Variants in PSMD12 observed in about 807,000 individuals in gnomAD.
PSMD12 encodes proteasome 26S subunit, non-ATPase 12.
PSMD12 carries 8 observed loss-of-function variants against 62.9 expected under a neutral mutation model. The observed-to-expected ratio is 0.13, with a 90% CI of 0.07 to 0.23. The LOEUF (loss-of-function observed/expected upper bound fraction) is 0.23, where lower values mean the gene tolerates loss of function less well. Among genes scored for constraint, PSMD12 ranks in the 10% least tolerant of loss-of-function variants. The pLI, the probability that PSMD12 is intolerant of heterozygous loss-of-function variation, is 1.00. For synonymous variants in PSMD12, 173 were observed against 187.4 expected (o/e 0.92, Z 0.63); for missense variants, 424 against 550.2 (o/e 0.77, Z 2.29).
At chr17:67,366,385 G>A in intron 1 of PSMD12, 27 bp downstream of exon 1, 1 of 1,593,998 alleles carries the variant, frequency 6.3e-7, no homozygotes, top group Non-Finnish European at 8.6e-7. Context: ...CCTGGCGCCC[G>A]CCAACAGCCA....
At chr17:67,363,593 A>C (rs1370841319) in intron 1 of PSMD12, among the ~76,000 whole-genome samples, 1 of 152,202 alleles carries the variant, frequency 6.6e-6, no homozygotes, top group African/African-American at 2.4e-5. Flanking sequence ...CTGAAGCTTA[A>C]ATTTTCTCAC....
chr17:67,341,243 T>G (rs181802611), intron 10 of PSMD12, among the ~76,000 whole-genome samples, 191 bp from the exon 11 acceptor site: 1 of 151,626 alleles, frequency 6.6e-6, no homozygotes, highest in Admixed American at 6.6e-5. Context: ...CTGAATTGGG[T>G]GAATCACTTG....
At chr17:67,352,574 A>G (rs919759999) in intron 3 of PSMD12, among the ~76,000 whole-genome samples, 3 of 152,228 alleles carry the variant, frequency 2.0e-5, no homozygotes, top group Non-Finnish European at 2.9e-5. Context: ...AAAATACATT[A>G]ACAGAAATCA....
In PSMD12 at chr17:67,366,478, G is replaced by A; in HGVS notation, c.42C>T (p.Val14=). Residue 14 remains valine (V), a synonymous_variant, in exon 1 of 11, where the codon GTC becomes GTT. Coordinates refer to ENST00000356126, the MANE Select transcript of PSMD12 (RefSeq NM_002816.5). ...GGSERADGRI[V]KMEVDYSATV... ...TGGCGCTGTAGTCCACCTCCATCTTGACGATGCGCCCGTCAGCCCGCTCCG... is the reference window on the plus strand; with the variant it reads ...TGGCGCTGTAGTCCACCTCCATCTTAACGATGCGCCCGTCAGCCCGCTCCG... The A allele has an allele frequency of 1.1e-5, 18 of 1,611,244 alleles. No individual in the cohort carries two copies. Among genetic ancestry groups the A allele is most frequent in the Non-Finnish European group, 1.5e-5 (18 of 1,179,182 alleles).
rs371725794 is a variant in PSMD12, at chr17:67,344,700, T to C, written c.989A>G (p.Lys330Arg). 6.2e-7 allele frequency: 1 copy of C among 1,613,768 alleles called. No homozygotes were observed. The highest frequency in any genetic ancestry group is 8.5e-7 in the Non-Finnish European group (1 of 1,179,868). Residue 330 changes from lysine (K) to arginine (R), a missense_variant, in exon 9 of 11, where the codon AAA becomes AGA. Coordinates refer to ENST00000356126, the MANE Select transcript of PSMD12 (RefSeq NM_002816.5). The part of the protein sequence containing the change: ...LVEDYGMELR[K>R]GSLESPATDV... Reference sequence around the variant, plus strand: ...CGTTGCAGGACTCTCAAGGGAACCTTTTCTTAATTCCATTCCATAGTCCTC... The same window carrying C: ...CGTTGCAGGACTCTCAAGGGAACCTCTTCTTAATTCCATTCCATAGTCCTC...
At chr17:67,348,144 AG>A (rs1178893898) in intron 5 of PSMD12, among the ~76,000 whole-genome samples, 1 of 152,164 alleles carries the variant, frequency 6.6e-6, no homozygotes, top group Non-Finnish European at 1.5e-5. Flanking sequence ...AATACTCAAG[AG>A]TGGGATTGCT....
rs1167655683 is a variant in PSMD12 at position 67,343,727 on chromosome 17, G to A, written c.1083+879C>T. 5.3e-5 allele frequency among the ~76,000 whole-genome samples: 8 copies of A among 151,602 alleles called. 1 individual carries two copies. In the South Asian group the frequency reaches 8.3e-4, roughly 16 times the overall value. On this transcript the variant is annotated intron_variant, in intron 9 of 10. Coordinates refer to ENST00000356126, the MANE Select transcript of PSMD12 (RefSeq NM_002816.5). ...GGGTAATGTCTGTTTTTTTTGAGAC[G>A]GCGTCTTGCTCTGTCACCCAGGCTG...
intron 1 of PSMD12, among the ~76,000 whole-genome samples, chr17:67,360,542 G>C (rs1425371124): frequency 6.6e-6 from 1 of 152,162 alleles, no homozygotes; most frequent in African/African-American, 2.4e-5. Context: ...TGCGAACTCT[G>C]TAAGAGCAGG....
chr17:67,341,403 G>C (rs935827627), intron 10 of PSMD12, among the ~76,000 whole-genome samples: 1 of 140,448 alleles, frequency 7.1e-6, no homozygotes, highest in Non-Finnish European at 1.5e-5. Context: ...CTGGGAGGTA[G>C]AGGTTGAAGT....
chr17:67,361,346 C>A (rs926767628), intron 1 of PSMD12: 1 of 152,200 alleles, frequency 6.6e-6, no homozygotes, highest in African/African-American at 2.4e-5. Context: ...CTTTGGGAGG[C>A]CAAGACGGGC....
At chr17:67,355,943 T>C (rs2042064807) in intron 3 of PSMD12, among the ~76,000 whole-genome samples, 2 of 150,534 alleles carry the variant, frequency 1.3e-5, no homozygotes, top group African/African-American at 2.4e-5. Flanking sequence ...GCCTGGGTAA[T>C]GTAGTGAGAC....
At chr17:67,359,721 ATTC>A (rs1029542537) in intron 1 of PSMD12, among the ~76,000 whole-genome samples, 7 of 152,176 alleles carry the variant, frequency 4.6e-5, no homozygotes, top group Admixed American at 6.5e-5. Context: ...GAAATATGTG[ATTC>A]TTAACATATT....
At chr17:67,342,292 C>G (rs1202099051) in intron 9 of PSMD12, 29 bp from the exon 10 acceptor site, 1 of 1,407,070 alleles carries the variant, frequency 7.1e-7, no homozygotes, top group Non-Finnish European at 1.0e-6. Flanking sequence ...GCAGGGAGAA[C>G]ACGTAACATT....
At chr17:67,356,557 CAAAAAAA>C (rs35353017) in intron 3 of PSMD12, among the ~76,000 whole-genome samples, 30 of 14,982 alleles carry the variant, frequency 2.0e-3, no homozygotes, top group Admixed American at 6.3e-3. Flanking sequence ...GACTCCGTCT[CAAAAAAA>C]AAAAAAAAAA....
At position 67,357,245 on chromosome 17, in the gene PSMD12, G is replaced by C. The variant is rs117109791; in HGVS notation, c.297+58C>G. The stretch of plus-strand genomic sequence containing the variant: ...TAAACAGACTTATAGAAGAGCTTGT[G>C]AAAAGTTCTGAAATACAAATGCTTT... On this transcript the variant is annotated intron_variant, in intron 3 of 10. Coordinates refer to ENST00000356126, the MANE Select transcript of PSMD12 (RefSeq NM_002816.5). 9.8e-3 allele frequency: 15,232 copies of C among 1,549,564 alleles called. 102 individuals are homozygous for C. The highest frequency in any genetic ancestry group is 0.012 in the Non-Finnish European group (13,263 of 1,150,572).
intron 3 of PSMD12, among the ~76,000 whole-genome samples, chr17:67,354,229 A>G (rs530050469): frequency 7.9e-5 from 12 of 152,276 alleles, no homozygotes; most frequent in African/African-American, 2.2e-4. Context: ...TGGTCAACAT[A>G]GCAGGACTCC....
At chr17:67,366,342 A>G in intron 1 of PSMD12, 70 bp downstream of exon 1, 2 of 1,417,406 alleles carry the variant, frequency 1.4e-6, no homozygotes, top group South Asian at 1.2e-5. Context: ...AGGCCCCCTG[A>G]GGCCTAAGCA....
chr17:67,365,119 G>A (rs2042167116), intron 1 of PSMD12, among the ~76,000 whole-genome samples: 1 of 151,772 alleles, frequency 6.6e-6, no homozygotes, highest in African/African-American at 2.4e-5. Context: ...GGGAGGCGGG[G>A]GTTGCAGTCA....
chr17:67,364,571 T>G (rs943747655), intron 1 of PSMD12, among the ~76,000 whole-genome samples: 2 of 152,160 alleles, frequency 1.3e-5, no homozygotes, highest in African/African-American at 4.8e-5. Context: ...AAAGGAAGAT[T>G]TGGTTGTCCT....
Sources: gnomAD v4.1 joint callset for allele counts (sites outside exome capture counted in the v4.1 genomes callset) on GRCh38, gnomAD v4.1.1 for gene constraint, MANE v1.5 for transcripts, NCBI Gene and HGNC (gene_info 2026-07-23, HGNC 2026-07-21) for gene names.